Variants in ZCWPW2 observed in about 807,000 individuals in gnomAD.
ZCWPW2 encodes zinc finger CW-type PWWP domain protein 2.
In ZCWPW2, 45 loss-of-function variants were observed where a neutral mutation model predicts 46.6. The observed-to-expected ratio is 0.96, with a 90% CI of 0.76 to 1.24. The LOEUF is 1.24. Among genes scored for constraint, ZCWPW2 ranks in the 50% most tolerant of loss-of-function variants. The pLI, the probability that ZCWPW2 is intolerant of heterozygous loss-of-function variation, is 0.00. For synonymous variants in ZCWPW2, 152 were observed against 137.1 expected, an observed-to-expected ratio of 1.11 and a Z score of -0.76; for missense variants, 429 against 403.9, an observed-to-expected ratio of 1.06 and a Z score of -0.53.
chr3:28,414,365 G>C (rs1696550880), intron 3 of ZCWPW2, among the ~76,000 whole-genome samples: 1 of 150,182 alleles, frequency 6.7e-6, no homozygotes, highest in Admixed American at 6.7e-5. Flanking sequence ...TTTAATTTTA[G>C]GTTCCGGGAT....
intron 4 of ZCWPW2, among the ~76,000 whole-genome samples, chr3:28,458,591 A>C (rs984373087): frequency 6.6e-5 from 10 of 152,282 alleles, no homozygotes; most frequent in African/African-American, 1.7e-4. Context: ...TCAAGCCCAG[A>C]TCTTATGATT....
chr3:28,470,058 A>G (rs1462127441), intron 4 of ZCWPW2, among the ~76,000 whole-genome samples: 1 of 152,244 alleles, frequency 6.6e-6, no homozygotes, highest in Non-Finnish European at 1.5e-5. Context: ...ATTCAAAAAA[A>G]TTGAACGTAT....
chr3:28,381,013 TATATATA>T, intron 1 of ZCWPW2, among the ~76,000 whole-genome samples: 1 of 40,224 alleles, frequency 2.5e-5, no homozygotes, highest in African/African-American at 1.1e-4. Flanking sequence ...TATATATATA[TATATATA>T]TTTGGTATAT....
chr3:28,400,407 A>T (rs1486789463), intron 2 of ZCWPW2, among the ~76,000 whole-genome samples: 2 of 152,210 alleles, frequency 1.3e-5, no homozygotes, highest in African/African-American at 4.8e-5. Context: ...CTTGCTAGAG[A>T]CCTAGACATT....
intron 6 of ZCWPW2, among the ~76,000 whole-genome samples, chr3:28,501,205 G>C (rs1203994155): frequency 6.6e-6 from 1 of 152,154 alleles, no homozygotes; most frequent in Non-Finnish European, 1.5e-5. Context: ...TTGTAAGGCA[G>C]CTCCAGCAGG....
At chr3:28,407,085 C>G (rs1696195135) in intron 2 of ZCWPW2, among the ~76,000 whole-genome samples, 1 of 152,130 alleles carries the variant, frequency 6.6e-6, no homozygotes, top group Admixed American at 6.5e-5. Context: ...CTTTGGCCTT[C>G]CAGAATGTTG....
At chr3:28,390,206 G>C (rs1220681658) in intron 1 of ZCWPW2, among the ~76,000 whole-genome samples, 1 of 152,084 alleles carries the variant, frequency 6.6e-6, no homozygotes, top group Non-Finnish European at 1.5e-5. Context: ...GTGCGGATGT[G>C]ATCCCTCTTA....
intron 6 of ZCWPW2, among the ~76,000 whole-genome samples, chr3:28,510,615 C>T (rs905783190): frequency 4.6e-5 from 7 of 152,200 alleles, no homozygotes; most frequent in Middle Eastern, 3.4e-3. Context: ...CTTTTTAGCT[C>T]TACACTAACC....
chr3:28,498,729 C>A (rs1700063484), intron 6 of ZCWPW2, among the ~76,000 whole-genome samples: 1 of 151,720 alleles, frequency 6.6e-6, no homozygotes, highest in African/African-American at 2.4e-5. Flanking sequence ...ATACACGTGC[C>A]ATGGTGGTTT....
chr3:28,437,466 GT>G (rs1463905183), intron 4 of ZCWPW2, among the ~76,000 whole-genome samples: 1 of 151,852 alleles, frequency 6.6e-6, no homozygotes, highest in East Asian at 1.9e-4. Context: ...AATTTTTTTT[GT>G]TTTATTATGA....
chr3:28,474,626 CGCGCGCGCGCGCA>C, intron 4 of ZCWPW2, among the ~76,000 whole-genome samples: 1 of 121,236 alleles, frequency 8.2e-6, no homozygotes, highest in African/African-American at 3.3e-5. Flanking sequence ...TGTGTGCGCG[CGCGCGCGCGCGCA>C]CATGCGCATT....
chr3:28,410,596 A>C (rs562204100), intron 2 of ZCWPW2, among the ~76,000 whole-genome samples: 1 of 136,008 alleles, frequency 7.4e-6, no homozygotes, highest in South Asian at 2.2e-4. Context: ...TTTTAAATTA[A>C]GTAACTCGGG....
At chr3:28,494,983 T>G (rs867918945) in intron 6 of ZCWPW2, among the ~76,000 whole-genome samples, 3 of 151,610 alleles carry the variant, frequency 2.0e-5, no homozygotes, top group Non-Finnish European at 4.4e-5. Context: ...GATTCAATAT[T>G]GTGAAAATGG....
intron 4 of ZCWPW2, among the ~76,000 whole-genome samples, chr3:28,477,398 C>A (rs886753706): frequency 2.6e-5 from 4 of 152,096 alleles, no homozygotes; most frequent in Admixed American, 2.6e-4. Context: ...CAGCCTCTTT[C>A]TGAATACTTT....
chr3:28,473,629 C>T (rs189044303), intron 4 of ZCWPW2, among the ~76,000 whole-genome samples: 1 of 152,286 alleles, frequency 6.6e-6, no homozygotes, highest in East Asian at 1.9e-4. Context: ...TGGAAGCAAC[C>T]TAAGTATCTA....
intron 1 of ZCWPW2, among the ~76,000 whole-genome samples, chr3:28,368,564 C>T (rs1419928029): frequency 2.0e-5 from 3 of 152,112 alleles, no homozygotes; most frequent in Non-Finnish European, 4.4e-5. Context: ...GTGGGTAACC[C>T]GACCTTTCTC....
chr3:28,395,275 G>C lies in ZCWPW2; in HGVS notation c.-14+4658G>C, dbSNP rs771677194. Among the ~76,000 whole-genome samples, 63 of 152,194 alleles carry C rather than the reference G, an allele frequency of 4.1e-4. No homozygotes were observed. In the East Asian group the frequency reaches 8.5e-3, roughly 21 times the overall value. On this transcript the variant is annotated intron_variant, in intron 2 of 9. Transcript: ENST00000383768. ...AAGCAGAATGTGTTGGTGAGGATGT[G>C]GATTGGCATCCTTTTGCACTGTAAT...
At chr3:28,428,490 A>G (rs773594985) in intron 3 of ZCWPW2, 1 of 152,204 alleles carries the variant, frequency 6.6e-6, no homozygotes, top group South Asian at 2.1e-4. Flanking sequence ...ATGTCACCAC[A>G]TCCTGGCAGT....
chr3:28,513,975 A>C (rs1388500619), intron 6 of ZCWPW2, 89 bp from the exon 7 acceptor site: 2 of 1,054,056 alleles, frequency 1.9e-6, no homozygotes, highest in Non-Finnish European at 2.5e-6. Flanking sequence ...TCTTCTGACC[A>C]AATTACTTGA....
Sources: gnomAD v4.1 joint callset for allele counts (sites outside exome capture counted in the v4.1 genomes callset) on GRCh38, gnomAD v4.1.1 for gene constraint, MANE v1.5 for transcripts, NCBI Gene and HGNC (gene_info 2026-07-23, HGNC 2026-07-21) for gene names.